GRIN2B: variants seen among roughly 807,000 people sequenced by gnomAD.
GRIN2B encodes the protein glutamate receptor ionotropic, NMDA 2B.
Under a neutral mutation model 114.5 loss-of-function variants are expected in GRIN2B, and 5 were observed. The ratio of observed to expected loss-of-function variants is 0.04; its 90% confidence interval spans 0.02 to 0.09. The LOEUF (loss-of-function observed/expected upper bound fraction) is 0.09. GRIN2B is among the 10% of genes least tolerant of loss of function. The pLI is 1.00. For missense variants in GRIN2B, 1,108 were observed against 1,943.5 expected (o/e 0.57, Z 8.08); for synonymous variants, 787 against 745.1 (o/e 1.06, Z -0.92).
rs1180965254 is a variant in GRIN2B, at chr12:13,563,893, G to A, written c.3345C>T (p.Arg1115=). 1.2e-6 allele frequency: 2 copies of A among 1,614,138 alleles called. No individual in the cohort carries two copies. Among genetic ancestry groups the A allele is most frequent in the East Asian group, 2.2e-5 (1 of 44,876 alleles). Residue 1115 remains arginine (R), a synonymous_variant, in exon 14 of 14, where the codon CGC becomes CGT. Transcript: ENST00000609686. ...IELAYRRRPP[R]SPDHKRYFRD... is the part of the protein sequence containing the mutation. Reference sequence around the variant, plus strand: ...TGAAGTAGCGCTTGTGGTCAGGGGAGCGGGGCGGTCGGCGACGGTAGGCCA... The same window carrying A: ...TGAAGTAGCGCTTGTGGTCAGGGGAACGGGGCGGTCGGCGACGGTAGGCCA...
rs144186289 is a variant in GRIN2B, at chr12:13,554,582, C to A, written c.*8201G>T. The A allele has an allele frequency of 2.6e-5, 4 of 152,102 alleles. No homozygotes were observed. Among genetic ancestry groups the A allele is most frequent in the Non-Finnish European group, 5.9e-5 (4 of 68,014 alleles). The allele number at this position is 152,102 out of a possible 1,614,324, so 9.4% of individuals were successfully genotyped here. A position where few individuals can be genotyped will look rare whatever the true frequency, so the allele number is the denominator to read the frequency against. On this transcript the variant is annotated 3_prime_UTR_variant, in exon 14 of 14. Coordinates refer to ENST00000609686, the MANE Select transcript of GRIN2B (RefSeq NM_000834.5). The stretch of plus-strand genomic sequence containing the variant: ...ACAAGAAATTATTGCTGGCAGACTA[C>A]GGCAAGTGAAGCCCACTGAAGGTTG...
chr12:13,976,189 T>C (rs1004285052), intron 2 of GRIN2B, among the ~76,000 whole-genome samples: 9 of 152,234 alleles, frequency 5.9e-5, no homozygotes, highest in Non-Finnish European at 1.3e-4. Flanking sequence ...AAGATATCAA[T>C]TCAACCACTA....
At chr12:13,614,015 G>GCA (rs1433074206) in intron 8 of GRIN2B, among the ~76,000 whole-genome samples, 1 of 24,738 alleles carries the variant, frequency 4.0e-5, no homozygotes, top group African/African-American at 1.6e-4. Context: ...TCCTTGCACA[G>GCA]CAAAAAAAAA....
In GRIN2B at chr12:13,553,409, T is replaced by G. The variant is rs141793976; in HGVS notation, c.*9374A>C. 6.6e-6 allele frequency: 1 copy of G among 152,332 alleles called. No homozygotes were observed. Among genetic ancestry groups the G allele is most frequent in the African/African-American group, 2.4e-5 (1 of 41,580 alleles). 9.4% of individuals were successfully genotyped at this position (152,332 alleles called of 1,614,324 possible). On this transcript the variant is annotated 3_prime_UTR_variant, in exon 14 of 14. Transcript: ENST00000609686. Reference sequence around the variant, plus strand: ...GTAAATATACAGATAAGAGGTAAAGTGCTCAATTACCTCAACTCTTATCCT... The same window carrying G: ...GTAAATATACAGATAAGAGGTAAAGGGCTCAATTACCTCAACTCTTATCCT...
intron 5 of GRIN2B, among the ~76,000 whole-genome samples, chr12:13,643,505 T>C (rs568458331): frequency 6.6e-6 from 1 of 152,294 alleles, no homozygotes; most frequent in South Asian, 2.1e-4. Flanking sequence ...TGATGGCTGC[T>C]GACTGATCAG....
intron 2 of GRIN2B, among the ~76,000 whole-genome samples, chr12:13,884,779 T>G (rs1007723237): frequency 2.6e-5 from 4 of 152,186 alleles, no homozygotes; most frequent in African/African-American, 9.6e-5. Context: ...CGTTTCCAGT[T>G]TGATGAAATT....
At chr12:13,724,806 T>G (rs540460289) in intron 4 of GRIN2B, among the ~76,000 whole-genome samples, 2 of 152,230 alleles carry the variant, frequency 1.3e-5, no homozygotes, top group South Asian at 4.1e-4. Context: ...TATAAACTCC[T>G]TGCACAAAGG....
At chr12:13,775,073 G>A (rs1184736063) in intron 3 of GRIN2B, among the ~76,000 whole-genome samples, 3 of 151,984 alleles carry the variant, frequency 2.0e-5, no homozygotes, top group Non-Finnish European at 1.5e-5. Context: ...TCCAGCAGTG[G>A]GAACAATTTA....
intron 3 of GRIN2B, among the ~76,000 whole-genome samples, chr12:13,829,986 G>A (rs915596214): frequency 1.3e-5 from 2 of 152,166 alleles, no homozygotes; most frequent in African/African-American, 2.4e-5. Flanking sequence ...TGGGAGGATG[G>A]AACAAGAGTC....
rs1948605733 is a variant in GRIN2B, at chr12:13,564,349, G to A, written c.2889C>T (p.Ile963=). The A allele has an allele frequency of 6.2e-7, 1 of 1,614,234 alleles. No individual in the cohort carries two copies. The highest frequency in any genetic ancestry group is 1.3e-5 in the African/African-American group (1 of 75,064). Residue 963 remains isoleucine (I), a synonymous_variant, in exon 14 of 14, where the codon ATC becomes ATT. Coordinates refer to ENST00000609686, the MANE Select transcript of GRIN2B (RefSeq NM_000834.5). This position sits in a 1 kb window ranked among gnomAD's most constrained non-coding sequence, Gnocchi z 4.8. ...TCCCGAACGTTCTCTCTACCTCACT[G>A]ATGTAGTCACTGAAGAGGTTCTCCT... ...PCEENLFSDY[I]SEVERTFGNL...
At chr12:13,571,773 C>T in intron 11 of GRIN2B, 31 bp downstream of exon 11, 2 of 1,610,714 alleles carry the variant, frequency 1.2e-6, no homozygotes, top group Non-Finnish European at 1.7e-6. Flanking sequence ...AGAAACAGAT[C>T]AAGGACTCTG....
chr12:13,639,308 C>G (rs1949691478), intron 5 of GRIN2B, among the ~76,000 whole-genome samples: 1 of 152,082 alleles, frequency 6.6e-6, no homozygotes, highest in African/African-American at 2.4e-5. Flanking sequence ...TTGGATGGGT[C>G]ATAAAAATAC....
chr12:13,907,575 A>T (rs1024484995), intron 2 of GRIN2B, among the ~76,000 whole-genome samples: 1 of 152,182 alleles, frequency 6.6e-6, no homozygotes, highest in African/African-American at 2.4e-5. Context: ...AACAGGCAAA[A>T]TTTATCTCAG....
At chr12:13,933,097 TC>T (rs1867068327) in intron 2 of GRIN2B, among the ~76,000 whole-genome samples, 1 of 152,094 alleles carries the variant, frequency 6.6e-6, no homozygotes, top group Admixed American at 6.6e-5. Flanking sequence ...ATGTTTCCTT[TC>T]CCCTTGCCCA....
chr12:13,798,964 T>C (rs2136672658), intron 3 of GRIN2B, among the ~76,000 whole-genome samples: 1 of 152,380 alleles, frequency 6.6e-6, no homozygotes, highest in East Asian at 1.9e-4. Context: ...ATTCAACATA[T>C]ATTCATTGAA....
rs977167335 is a variant in GRIN2B at position 13,653,992 on chromosome 12, A to C, written c.1125+21753T>G. Among the ~76,000 whole-genome samples the C allele has an allele frequency of 2.6e-5, 4 of 152,264 alleles. No individual in the cohort carries two copies. The South Asian group carries it at 8.3e-4, about 32-fold the overall frequency. ...GATTTTTGTCAAAAATCACAAAAAA[A>C]TGTTATGCAACTCTGCTACCTCCTT... On this transcript the variant is annotated intron_variant, in intron 5 of 13. Transcript: ENST00000609686.
At chr12:13,602,411 T>C (rs1244929479) in intron 10 of GRIN2B, among the ~76,000 whole-genome samples, 1 of 152,210 alleles carries the variant, frequency 6.6e-6, no homozygotes, top group Admixed American at 6.5e-5. Flanking sequence ...CTGAGCGAGA[T>C]GTTCTGGGCC....
At chr12:13,764,645 A>T (rs1328929117) in intron 3 of GRIN2B, among the ~76,000 whole-genome samples, 1 of 152,214 alleles carries the variant, frequency 6.6e-6, no homozygotes, top group Admixed American at 6.5e-5. Context: ...GGCAAGTAAA[A>T]GAATGGTCTA....
chr12:13,584,033 A>C (rs1285814450), intron 10 of GRIN2B, among the ~76,000 whole-genome samples: 1 of 152,204 alleles, frequency 6.6e-6, no homozygotes, highest in African/African-American at 2.4e-5. Context: ...AAGACATCAG[A>C]GTGGAAGCCT....
Sources: gnomAD v4.1 joint callset for allele counts (sites outside exome capture counted in the v4.1 genomes callset) on GRCh38, gnomAD v4.1.1 for gene constraint, Gnocchi (gnomAD v3.1) non-coding constraint, MANE v1.5 for transcripts, NCBI Gene and HGNC (gene_info 2026-07-23, HGNC 2026-07-21) for gene names.